The following CADPS variants were observed in gnomAD, a reference collection of about 807,000 sequenced individuals.
The protein encoded by CADPS is calcium-dependent secretion activator 1.
CADPS carries 57 observed loss-of-function variants against 167.3 expected under a neutral mutation model. The observed-to-expected ratio is 0.34, with a 90% CI of 0.28 to 0.42. The LOEUF (loss-of-function observed/expected upper bound fraction) is 0.42, where lower values mean the gene tolerates loss of function less well. CADPS is among the 20% of genes least tolerant of loss of function. The pLI, the probability that CADPS is intolerant of heterozygous loss-of-function variation, is 1.00. For synonymous variants in CADPS, 676 were observed against 635.3 expected (o/e 1.06, Z -0.96); for missense variants, 1,414 against 1,738.1 (o/e 0.81, Z 3.32).
chr3:62,564,957 A>C (rs915770622), intron 9 of CADPS, among the ~76,000 whole-genome samples: 8 of 152,158 alleles, frequency 5.3e-5, no homozygotes, highest in Non-Finnish European at 1.2e-4. Context: ...AAAAAGATGA[A>C]AGCGTTAAGA....
chr3:62,597,568 C>A (rs568163732), intron 6 of CADPS, among the ~76,000 whole-genome samples: 50 of 152,268 alleles, frequency 3.3e-4, no homozygotes, highest in African/African-American at 1.2e-3. Context: ...TTGGCATGTT[C>A]AGTGGGTACC....
chr3:62,432,178 A>G (rs940940876), intron 28 of CADPS, among the ~76,000 whole-genome samples: 1 of 152,140 alleles, frequency 6.6e-6, no homozygotes, highest in Non-Finnish European at 1.5e-5. Flanking sequence ...CTATGAGATG[A>G]TAAGGATGAT....
Position 62,662,319 on chromosome 3 carries a change from C to T in CADPS, c.964G>A (p.Ala322Thr), listed in dbSNP as rs1042386191. ...CAACCACAATGTTTCCTTACCCTGG[C>T]TATTTGGTCTGCCATTTGTAGACGT... ...DGRLQMADQI[A>T]RERKFPKFVS... Residue 322 changes from alanine to threonine, a missense_variant, in exon 4 of 30, where the codon GCC becomes ACC. By Grantham distance (58) the Ala-to-Thr change is moderately conservative. Coordinates refer to ENST00000383710, the MANE Select transcript of CADPS (RefSeq NM_003716.4). 6.2e-7 allele frequency: 1 copy of T among 1,613,608 alleles called. No homozygotes were observed.
In CADPS at chr3:62,837,973, C is replaced by T. The variant is rs147472300; in HGVS notation, c.441+36616G>A. 3.5e-3 allele frequency among the ~76,000 whole-genome samples: 533 copies of T among 152,298 alleles called. 2 individuals carry two copies. The highest frequency in any genetic ancestry group is 0.012 in the African/African-American group (501 of 41,566). ...CATTAGTGAAACAGCCCTCAAAATG[C>T]ACATGCTGACAGAGGGAACTGGCTT... On this transcript the variant is annotated intron_variant, in intron 1 of 29. Transcript: ENST00000383710.
intron 3 of CADPS, among the ~76,000 whole-genome samples, chr3:62,676,772 G>A (rs566551059): frequency 1.2e-4 from 19 of 152,208 alleles, no homozygotes; most frequent in African/African-American, 3.6e-4. Context: ...GTTTCTGACC[G>A]TGCTTAATAG....
intron 11 of CADPS, among the ~76,000 whole-genome samples, chr3:62,540,842 T>C (rs2075570061): frequency 6.6e-6 from 1 of 152,170 alleles, no homozygotes; most frequent in Non-Finnish European, 1.5e-5. Context: ...AACTCCATTT[T>C]TTCCCTGTAC....
intron 17 of CADPS, among the ~76,000 whole-genome samples, chr3:62,506,454 T>C (rs115008142): frequency 0.012 from 1,860 of 152,334 alleles, 42 homozygotes; most frequent in African/African-American, 0.042. Context: ...TACAAATTAA[T>C]TTAAATTAAA....
chr3:62,718,160 C>T (rs1028805865), intron 3 of CADPS, among the ~76,000 whole-genome samples: 6 of 152,088 alleles, frequency 3.9e-5, no homozygotes, highest in Admixed American at 3.3e-4. Context: ...TCATTAGTCA[C>T]ATGTTTATTA....
At chr3:62,585,468 T>C (rs2084397773) in intron 7 of CADPS, 144 bp from the exon 8 acceptor site, 1 of 741,096 alleles carries the variant, frequency 1.3e-6, no homozygotes, top group Non-Finnish European at 2.1e-6. Context: ...ACACATTCTT[T>C]TGATCCTTCC....
At position 62,848,959 on chromosome 3, in the gene CADPS, G is replaced by A. The variant is rs1397017536; in HGVS notation, c.441+25630C>T. ...TTTGTATCCTCTTTTATTTCCTTGA[G>A]CAGTGGTTTGTAGTTCTCCTTGAAG... On this transcript the variant is annotated intron_variant, in intron 1 of 29. Coordinates refer to ENST00000383710, the MANE Select transcript of CADPS (RefSeq NM_003716.4). Among the ~76,000 whole-genome samples, 3 of 135,228 alleles carry A rather than the reference G, an allele frequency of 2.2e-5. No homozygotes were observed. The Admixed American group carries it at 2.3e-4, about 10-fold the overall frequency. The allele number at this position is 135,228 out of a possible 152,430, so 88.7% of individuals were successfully genotyped here.
chr3:62,637,793 A>G (rs2066594148), intron 6 of CADPS, among the ~76,000 whole-genome samples: 1 of 152,150 alleles, frequency 6.6e-6, no homozygotes, highest in South Asian at 2.1e-4. Flanking sequence ...CAACTTGACT[A>G]AATAACTTCA....
intron 21 of CADPS, among the ~76,000 whole-genome samples, chr3:62,488,672 T>C (rs2063211737): frequency 6.6e-6 from 1 of 151,908 alleles, no homozygotes; most frequent in Non-Finnish European, 1.5e-5. Context: ...TTTTATTTTG[T>C]AGAGATGGAG....
chr3:62,690,390 A>G (rs144295366), intron 3 of CADPS, among the ~76,000 whole-genome samples: 1 of 152,156 alleles, frequency 6.6e-6, no homozygotes, highest in African/African-American at 2.4e-5. Context: ...CTTTTCTTAT[A>G]TCAAGTTCAC....
intron 1 of CADPS, among the ~76,000 whole-genome samples, chr3:62,863,980 A>C (rs994014343): frequency 6.6e-6 from 1 of 152,224 alleles, no homozygotes. Flanking sequence ...TGCTCCTCCA[A>C]GTGTGCTCTG....
At chr3:62,609,742 A>G (rs2061229041) in intron 6 of CADPS, among the ~76,000 whole-genome samples, 2 of 152,188 alleles carry the variant, frequency 1.3e-5, no homozygotes, top group African/African-American at 4.8e-5. Flanking sequence ...AAATGTAGCT[A>G]CTTTTATTAA....
At chr3:62,582,857 T>C (rs1578209564) in intron 8 of CADPS, among the ~76,000 whole-genome samples, 1 of 152,286 alleles carries the variant, frequency 6.6e-6, no homozygotes, top group Non-Finnish European at 1.5e-5. Flanking sequence ...TACAAACAAG[T>C]CAACACAAAA....
intron 1 of CADPS, among the ~76,000 whole-genome samples, chr3:62,845,473 A>G (rs1247575524): frequency 6.6e-6 from 1 of 152,206 alleles, no homozygotes; most frequent in Non-Finnish European, 1.5e-5. Flanking sequence ...ATGAAATAAG[A>G]TTATATAAAT....
chr3:62,588,446 A>G (rs2085171863), intron 7 of CADPS, among the ~76,000 whole-genome samples: 1 of 152,082 alleles, frequency 6.6e-6, no homozygotes, highest in African/African-American at 2.4e-5. Flanking sequence ...ATGATTGGAC[A>G]CAGAGGGCCT....
At chr3:62,828,390 A>G (rs911885329) in intron 1 of CADPS, among the ~76,000 whole-genome samples, 5 of 152,180 alleles carry the variant, frequency 3.3e-5, no homozygotes, top group African/African-American at 1.2e-4. Context: ...CATCAGAGAA[A>G]TTCTTTTAAA....
Sources: gnomAD v4.1 joint callset for allele counts (sites outside exome capture counted in the v4.1 genomes callset) on GRCh38, gnomAD v4.1.1 for gene constraint, MANE v1.5 for transcripts, NCBI Gene and HGNC (gene_info 2026-07-23, HGNC 2026-07-21) for gene names.